Variants in NCOR2 observed in about 807,000 individuals in gnomAD.
NCOR2 encodes nuclear receptor corepressor 2.
A neutral mutation model predicts 262.9 loss-of-function variants in NCOR2; 81 were observed. That is an observed-to-expected ratio of 0.31 (90% CI 0.26 to 0.37). The LOEUF (loss-of-function observed/expected upper bound fraction) is 0.37. Ranked by LOEUF, NCOR2 falls within the 10% of genes least tolerant of loss-of-function variation. NCOR2 has a pLI of 1.00. For missense variants in NCOR2, 3,385 were observed against 3,621.4 expected, an observed-to-expected ratio of 0.93 and a Z score of 1.68; for synonymous variants, 1,659 against 1,559.3, an observed-to-expected ratio of 1.06 and a Z score of -1.51.
At chr12:124,565,733 C>A (rs1272865857) in intron 1 of NCOR2, among the ~76,000 whole-genome samples, 1 of 152,214 alleles carries the variant, frequency 6.6e-6, no homozygotes, top group Non-Finnish European at 1.5e-5. Context: ...ACTCTGTGAA[C>A]TCAGTACCAT....
Position 124,346,541 on chromosome 12 carries a change from G to T in NCOR2, c.4359+23C>A, listed in dbSNP as rs770686143. 16 of 1,494,612 alleles carry T rather than the reference G, an allele frequency of 1.1e-5. No individual in the cohort carries two copies. In the South Asian group the frequency reaches 1.8e-4, roughly 16 times the overall value. The allele number at this position is 1,494,612 out of a possible 1,614,324, so 92.6% of individuals were successfully genotyped here. Reference sequence around the variant, plus strand: ...CGCCACCCCTCCTAGAACTGGGCCCGTGTGCCTGGCCCTGGGCCATACCTG... The same window carrying T: ...CGCCACCCCTCCTAGAACTGGGCCCTTGTGCCTGGCCCTGGGCCATACCTG... On this transcript the variant is annotated intron_variant, in intron 31 of 46. Coordinates refer to ENST00000405201, the Ensembl canonical transcript of NCOR2.
intron 1 of NCOR2, among the ~76,000 whole-genome samples, chr12:124,533,006 C>T (rs1378369152): frequency 2.1e-5 from 1 of 47,700 alleles, no homozygotes; most frequent in Admixed American, 2.2e-4. Flanking sequence ...ACCTCCAAAT[C>T]GCACTTCTCC....
chr12:124,478,297 A>G (rs987580176), intron 3 of NCOR2, among the ~76,000 whole-genome samples: 1 of 152,242 alleles, frequency 6.6e-6, no homozygotes, highest in Non-Finnish European at 1.5e-5. Flanking sequence ...TATGTGAGCC[A>G]GAATTCATGT....
intron 1 of NCOR2, among the ~76,000 whole-genome samples, chr12:124,525,772 C>A (rs965311634): frequency 6.6e-6 from 1 of 152,218 alleles, no homozygotes; most frequent in Non-Finnish European, 1.5e-5. Context: ...AAAGCAGCTG[C>A]CGTGGAGTCA....
chr12:124,386,308 C>A (rs2040802486), intron 16 of NCOR2, among the ~76,000 whole-genome samples: 1 of 152,102 alleles, frequency 6.6e-6, no homozygotes, highest in Non-Finnish European at 1.5e-5. Flanking sequence ...AGCCCTGACA[C>A]TCGCTCACAG....
intron 7 of NCOR2, among the ~76,000 whole-genome samples, chr12:124,441,074 A>C (rs2044774636): frequency 6.6e-6 from 1 of 152,024 alleles, no homozygotes; most frequent in African/African-American, 2.4e-5. Flanking sequence ...TCTTTTATGC[A>C]AAAGACAGCT....
At position 124,483,629 on chromosome 12, in the gene NCOR2, C is replaced by T. The variant is rs1417175504; in HGVS notation, c.378G>A (p.Thr126=). 1.2e-6 allele frequency: 2 copies of T among 1,609,148 alleles called. No homozygotes were observed. Among genetic ancestry groups the T allele is most frequent in the African/African-American group, 1.3e-5 (1 of 74,922 alleles). The change falls in exon 3 of 47, where the codon ACG becomes ACA. Residue 126 remains threonine, a synonymous_variant. Transcript: ENST00000405201. This position sits in a 1 kb window ranked among gnomAD's most constrained non-coding sequence, Gnocchi z 6.3. ...GGTCTTCAGATCCCGCAGGCTGGCC[C>T]GTGGCCAGCAGGGGTGACGGTCGCA...
Position 124,517,425 on chromosome 12 carries a change from G to A in NCOR2, c.-118+18140C>T, listed in dbSNP as rs144401832. On this transcript the variant is annotated intron_variant, in intron 1 of 46. Coordinates refer to the NCOR2 transcript ENST00000404621. This position sits in a 1 kb window ranked among gnomAD's most constrained non-coding sequence, Gnocchi z 7.6. The stretch of plus-strand genomic sequence containing the variant: ...CTTCCAACTTTCCAGTGTTTATCCC[G>A]GCTCCTCGCTGCCAAGTCCCTGGGC... 2.8e-3 allele frequency among the ~76,000 whole-genome samples: 431 copies of A among 152,300 alleles called. 2 individuals carry two copies. Among genetic ancestry groups the A allele is most frequent in the Non-Finnish European group, 5.0e-3 (342 of 68,026 alleles).
chr12:124,346,985 T>A lies in NCOR2; in HGVS notation c.4073-135A>T, dbSNP rs948920267. On this transcript the variant is annotated intron_variant, in intron 30 of 46. Coordinates refer to ENST00000405201, the Ensembl canonical transcript of NCOR2. ...GCTGTGTGACCTTGACCAGGAAATC[T>A]GACCTCTCTGGGCCTCAGCTTCTTC... 74 of 1,096,662 alleles carry A rather than the reference T, an allele frequency of 6.7e-5. No individual in the cohort carries two copies. In the South Asian group the frequency reaches 1.3e-3, roughly 20 times the overall value. The allele number at this position is 1,096,662 out of a possible 1,614,324, so 67.9% of individuals were successfully genotyped here.
chr12:124,444,371 AGAG>A (rs201247107), intron 7 of NCOR2, among the ~76,000 whole-genome samples: 3,561 of 152,266 alleles, frequency 0.023, 59 homozygotes, highest in Non-Finnish European at 0.035. Context: ...AGGGCACTGG[AGAG>A]GAGAAGCAGG....
intron 13 of NCOR2, among the ~76,000 whole-genome samples, chr12:124,414,472 C>G (rs534154297): frequency 6.6e-6 from 1 of 152,220 alleles, no homozygotes; most frequent in East Asian, 1.9e-4. Context: ...GGGCCAGGTG[C>G]CCCTGGAATT....
chr12:124,379,664 A>C (rs1320716748), intron 17 of NCOR2, among the ~76,000 whole-genome samples: 1 of 152,210 alleles, frequency 6.6e-6, no homozygotes, highest in African/African-American at 2.4e-5. Flanking sequence ...CTCAGCCAAG[A>C]GCCCTGTACT....
Position 124,482,206 on chromosome 12 carries a change from G to A in NCOR2, c.411+1390C>T, listed in dbSNP as rs2047529321. Among the ~76,000 whole-genome samples, 1 of 152,134 alleles carries A rather than the reference G, an allele frequency of 6.6e-6. No individual in the cohort carries two copies. The highest frequency in any genetic ancestry group is 2.4e-5 in the African/African-American group (1 of 41,422). ...AGGCGGGGACTGCCCCAGTGGCAGG[G>A]AGGCCAAGCCAGCCAACGACCACAC... is the stretch of plus-strand genomic sequence containing the variant. On this transcript the variant is annotated intron_variant, in intron 3 of 46. Coordinates refer to ENST00000405201, the Ensembl canonical transcript of NCOR2. The surrounding 1 kb of genome is among the most constrained non-coding windows in gnomAD (Gnocchi z 6.3).
upstream of NCOR2, among the ~76,000 whole-genome samples, chr12:124,496,823 G>A (rs1241406977): frequency 6.6e-6 from 1 of 151,626 alleles, no homozygotes; most frequent in Non-Finnish European, 1.5e-5. The surrounding 1 kb of genome is among the most constrained non-coding windows in gnomAD (Gnocchi z 4.4). Context: ...TCTCAAGGAT[G>A]AGCCTGTGAC....
intron 14 of NCOR2, 148 bp downstream of exon 16, chr12:124,402,256 T>G (rs1593382839): frequency 6.8e-7 from 1 of 1,465,726 alleles, no homozygotes; most frequent in Non-Finnish European, 9.2e-7. Flanking sequence ...AGGGGGGCTG[T>G]CAGGGGCAAA....
chr12:124,457,174 T>C lies in NCOR2; in HGVS notation c.706-12A>G, dbSNP rs2045921073. 16 of 1,535,526 alleles carry C rather than the reference T, an allele frequency of 1.0e-5. No individual in the cohort carries two copies. The East Asian group carries it at 4.1e-4, about 40-fold the overall frequency. ...GCTTCAGCCTTCTTCTGCAGGGTGATGGCGAAGAGGAGGAATTTTTTTAAA... is the reference window on the plus strand; with the variant it reads ...GCTTCAGCCTTCTTCTGCAGGGTGACGGCGAAGAGGAGGAATTTTTTTAAA... On this transcript the variant is annotated splice_polypyrimidine_tract_variant and intron_variant, in intron 5 of 46. Coordinates refer to ENST00000405201, the Ensembl canonical transcript of NCOR2. This position sits in a 1 kb window ranked among gnomAD's most constrained non-coding sequence, Gnocchi z 4.0.
chr12:124,340,164 GCCCCCACCC>G, exon 37 of NCOR2: 1 of 942,934 alleles, frequency 1.1e-6, no homozygotes, highest in Non-Finnish European at 1.5e-6. Flanking sequence ...GGCTGCTGCT[GCCCCCACCC>G]CCGCCGCTGC....
intron 5 of NCOR2, among the ~76,000 whole-genome samples, chr12:124,464,222 C>G (rs2046319415): frequency 6.6e-6 from 1 of 151,988 alleles, no homozygotes; most frequent in African/African-American, 2.4e-5. Flanking sequence ...GCCACTTCAG[C>G]AAAGAGGGAA....
exon 42 of NCOR2, chr12:124,333,220 A>G: frequency 6.2e-7 from 1 of 1,613,168 alleles, no homozygotes; most frequent in African/African-American, 1.3e-5. Flanking sequence ...CGGTGGGGAC[A>G]CAGGTTCAAT....
Sources: gnomAD v4.1 joint callset for allele counts (sites outside exome capture counted in the v4.1 genomes callset) on GRCh38, gnomAD v4.1.1 for gene constraint, Gnocchi (gnomAD v3.1) non-coding constraint, MANE v1.5 for transcripts, NCBI Gene and HGNC (gene_info 2026-07-23, HGNC 2026-07-21) for gene names.